Variants in RTKN2 observed in about 807,000 individuals in gnomAD.
RTKN2 encodes the protein rhotekin-2.
Under a neutral mutation model 71.5 loss-of-function variants are expected in RTKN2, and 69 were observed. That is an observed-to-expected ratio of 0.96 (90% CI 0.79 to 1.18). The LOEUF (loss-of-function observed/expected upper bound fraction) is 1.18. Among genes scored for constraint, RTKN2 ranks in the 50% most tolerant of loss-of-function variants. The pLI, the probability that RTKN2 is intolerant of heterozygous loss-of-function variation, is 0.00. For missense variants in RTKN2, 724 were observed against 719.7 expected (o/e 1.01, Z -0.07); for synonymous variants, 236 against 236.5 (o/e 1.00, Z 0.02).
intron 6 of RTKN2, among the ~76,000 whole-genome samples, chr10:62,235,843 T>G (rs766064680): frequency 3.3e-5 from 5 of 152,060 alleles, no homozygotes; most frequent in Non-Finnish European, 5.9e-5. Context: ...GATATTCAAC[T>G]TGTATTAGAA....
At chr10:62,192,420 A>T (rs1841237328), downstream of RTKN2, among the ~76,000 whole-genome samples, 1 of 152,210 alleles carries the variant, frequency 6.6e-6, no homozygotes, top group Non-Finnish European at 1.5e-5. Flanking sequence ...GCCTGCTAAA[A>T]TAGCACTCCA....
In RTKN2 at chr10:62,197,988, C is replaced by A; in HGVS notation, c.1750G>T (p.Ala584Ser). ...TGCCTTGGAGCTGGCACTGGCTTGGCTTCAAAATTGGTTTTAGTGTCTGTG... is the reference window on the plus strand; with the variant it reads ...TGCCTTGGAGCTGGCACTGGCTTGGATTCAAAATTGGTTTTAGTGTCTGTG... ...EHTDTKTNFE[A>S]KPVPAPRQKS... The change falls in exon 12 of 12, where the codon GCC (alanine) becomes TCC (serine). Residue 584 changes from alanine (A) to serine (S), a missense_variant. Physicochemically the swap from Ala to Ser is moderately conservative, Grantham distance 99 (BLOSUM62 1). Coordinates refer to ENST00000373789, the MANE Select transcript of RTKN2 (RefSeq NM_145307.4). 6.2e-7 allele frequency: 1 copy of A among 1,613,992 alleles called. No individual in the cohort carries two copies. The highest frequency in any genetic ancestry group is 1.1e-5 in the South Asian group (1 of 91,082).
chr10:62,196,511 A>C lies in RTKN2; in HGVS notation c.*1397T>G, dbSNP rs1177060571. 2 of 985,398 alleles carry C rather than the reference A, an allele frequency of 2.0e-6. No homozygotes were observed. Among genetic ancestry groups the C allele is most frequent in the Non-Finnish European group, 2.4e-6 (2 of 829,886 alleles). The allele number at this position is 985,398 out of a possible 1,614,324, so 61.0% of individuals were successfully genotyped here. ...ATGGAAAAGACCCCGCTATCTGAAAATAATGAAAGGCTCCATTTAAATTAA... is the reference window on the plus strand; with the variant it reads ...ATGGAAAAGACCCCGCTATCTGAAACTAATGAAAGGCTCCATTTAAATTAA... On this transcript the variant is annotated 3_prime_UTR_variant, in exon 12 of 12. Transcript: ENST00000373789.
intron 9 of RTKN2, among the ~76,000 whole-genome samples, chr10:62,206,849 A>G (rs2132837114): frequency 6.6e-6 from 1 of 152,038 alleles, no homozygotes; most frequent in South Asian, 2.1e-4. Context: ...TTTGCCCTAA[A>G]TGGTATCCTT....
At chr10:62,214,993 C>T in intron 9 of RTKN2, 1 of 906,554 alleles carries the variant, frequency 1.1e-6, no homozygotes, top group South Asian at 1.6e-5. Flanking sequence ...AAATAATATA[C>T]CTGTAAAACA....
intron 9 of RTKN2, among the ~76,000 whole-genome samples, chr10:62,215,568 ATAT>A (rs1384187072): frequency 6.6e-6 from 1 of 152,002 alleles, no homozygotes; most frequent in Non-Finnish European, 1.5e-5. Flanking sequence ...CATGACAATA[ATAT>A]TATGGTTATG....
intron 9 of RTKN2, among the ~76,000 whole-genome samples, chr10:62,210,311 C>G (rs1841633968): frequency 6.6e-6 from 1 of 152,142 alleles, no homozygotes; most frequent in Non-Finnish European, 1.5e-5. Context: ...GGAATATTTA[C>G]AAGTAAAATG....
intron 2 of RTKN2, among the ~76,000 whole-genome samples, chr10:62,255,743 G>T (rs1008495064): frequency 2.0e-5 from 3 of 152,168 alleles, no homozygotes; most frequent in African/African-American, 7.2e-5. Flanking sequence ...TTATCATGAA[G>T]AAGAAAGCTG....
intron 8 of RTKN2, among the ~76,000 whole-genome samples, chr10:62,187,728 C>T (rs1183504476): frequency 3.9e-5 from 6 of 152,052 alleles, no homozygotes; most frequent in Non-Finnish European, 4.4e-5. Flanking sequence ...TGGCCTGTGC[C>T]CTCGGTGAAC....
At chr10:62,200,067 T>C (rs1243147348) in intron 10 of RTKN2, among the ~76,000 whole-genome samples, 1 of 151,894 alleles carries the variant, frequency 6.6e-6, no homozygotes, top group Non-Finnish European at 1.5e-5. Flanking sequence ...GTAATCTATT[T>C]AAAAAATAAA....
At chr10:62,259,407 T>C (rs569530160) in intron 2 of RTKN2, among the ~76,000 whole-genome samples, 27 of 152,374 alleles carry the variant, frequency 1.8e-4, no homozygotes, top group African/African-American at 6.0e-4. Flanking sequence ...TGTTAATTAA[T>C]ACCAAAGAAC....
downstream of RTKN2, among the ~76,000 whole-genome samples, chr10:62,188,958 CAGGATG>C (rs1841178021): frequency 6.6e-6 from 1 of 151,686 alleles, no homozygotes; most frequent in African/African-American, 2.4e-5. Context: ...CCATGCTAGC[CAGGATG>C]ATCTCGATCT....
In RTKN2 at chr10:62,268,812, T is replaced by C. The variant is rs1027115402; in HGVS notation, c.-202A>G. ...GCTCTGCAGCTCCCGCCGCCGGAAG[T>C]TGCCGAGACCCCAGGCTCTAGCGCG... On this transcript the variant is annotated 5_prime_UTR_variant, in exon 1 of 12. Transcript: ENST00000373789. 6 of 551,512 alleles carry C rather than the reference T, an allele frequency of 1.1e-5. No individual in the cohort carries two copies. Among genetic ancestry groups the C allele is most frequent in the African/African-American group, 1.0e-4 (5 of 49,220 alleles). The allele number at this position is 551,512 out of a possible 1,614,324, so 34.2% of individuals were successfully genotyped here.
intron 9 of RTKN2, among the ~76,000 whole-genome samples, chr10:62,212,701 TCAAA>T (rs574258259): frequency 2.6e-5 from 4 of 151,896 alleles, no homozygotes; most frequent in East Asian, 1.9e-4. Flanking sequence ...AGACCCTGTC[TCAAA>T]CAAACAAACA....
chr10:62,234,011 G>C (rs904804261), intron 6 of RTKN2, among the ~76,000 whole-genome samples: 13 of 152,108 alleles, frequency 8.5e-5, no homozygotes, highest in Non-Finnish European at 1.5e-4. Flanking sequence ...TTTAAAGAAG[G>C]TATCTGAAGG....
In RTKN2 at chr10:62,198,081, G is replaced by A. The variant is rs1038595439; in HGVS notation, c.1657C>T (p.Gln553Ter). 1.9e-6 allele frequency: 3 copies of A among 1,614,112 alleles called. No individual in the cohort carries two copies. Among genetic ancestry groups the A allele is most frequent in the Non-Finnish European group, 8.5e-7 (1 of 1,179,982 alleles). The change falls in exon 12 of 12, where the codon CAG becomes TAG. Residue 553 changes from glutamine to a stop codon, truncating the protein, a stop_gained. Coordinates refer to ENST00000373789, the MANE Select transcript of RTKN2 (RefSeq NM_145307.4). LOFTEE classifies it high-confidence loss of function. ...TKLSTLMHHLQKPMAAPRKLL... is the reference protein window; with the variant it reads ...TKLSTLMHHL ...TTTCGAGGAGCAGCCATTGGTTTCT[G>A]TAAGTGATGCATTAGAGTTGATAGT...
At position 62,196,576 on chromosome 10, in the gene RTKN2, A is replaced by G; in HGVS notation, c.*1332T>C. 1.0e-6 allele frequency: 1 copy of G among 985,276 alleles called. No individual in the cohort carries two copies. The highest frequency in any genetic ancestry group is 1.2e-6 in the Non-Finnish European group (1 of 829,818). The allele number at this position is 985,276 out of a possible 1,614,324, so 61.0% of individuals were successfully genotyped here. A position where few individuals can be genotyped will look rare whatever the true frequency, so the allele number is the denominator to read the frequency against. ...CAAGTGTTCATTTTGTTTTGTAATA[A>G]TGTAGTTCTGATCCAAATAGAGTTC... On this transcript the variant is annotated 3_prime_UTR_variant, in exon 12 of 12. Transcript: ENST00000373789.
chr10:62,193,417 A>G lies in RTKN2; in HGVS notation c.*4491T>C, dbSNP rs1472432857. On this transcript the variant is annotated 3_prime_UTR_variant, in exon 12 of 12. Coordinates refer to ENST00000373789, the MANE Select transcript of RTKN2 (RefSeq NM_145307.4). Reference sequence around the variant, plus strand: ...CATTAGTATTTTCTCCCATACTCAGATAAAGAAAAATGTTTGTTAAAATTT... The same window carrying G: ...CATTAGTATTTTCTCCCATACTCAGGTAAAGAAAAATGTTTGTTAAAATTT... The G allele has an allele frequency of 2.0e-6, 2 of 981,552 alleles. No homozygotes were observed. The highest frequency in any genetic ancestry group is 1.2e-4 in the Admixed American group (2 of 16,278). 60.8% of individuals were successfully genotyped at this position (981,552 alleles called of 1,614,324 possible). A position where few individuals can be genotyped will look rare whatever the true frequency, so the allele number is the denominator to read the frequency against.
chr10:62,245,274 T>G lies in RTKN2; in HGVS notation c.316+725A>C, dbSNP rs117866684. On this transcript the variant is annotated intron_variant, in intron 3 of 11. Transcript: ENST00000373789. ...GAAACATCCTTTCTAGTTGGAACGG[T>G]AACAGAGATTATATTATATATAGAT... is the stretch of plus-strand genomic sequence containing the variant. 9.9e-4 allele frequency among the ~76,000 whole-genome samples: 150 copies of G among 152,182 alleles called. 1 individual carries two copies. The East Asian group carries it at 0.028, about 29-fold the overall frequency.
Sources: gnomAD v4.1 joint callset for allele counts (sites outside exome capture counted in the v4.1 genomes callset) on GRCh38, gnomAD v4.1.1 for gene constraint, MANE v1.5 for transcripts, NCBI Gene and HGNC (gene_info 2026-07-23, HGNC 2026-07-21) for gene names.